NTRK1: variants seen among roughly 807,000 people sequenced by gnomAD.
NTRK1 encodes neurotrophic receptor tyrosine kinase 1, also known as high affinity nerve growth factor receptor.
A neutral mutation model predicts 86.8 loss-of-function variants in NTRK1; 62 were observed. The observed-to-expected ratio is 0.71, with a 90% CI of 0.58 to 0.88. The LOEUF is 0.88. Among genes scored for constraint, NTRK1 ranks in the 40% least tolerant of loss-of-function variants. The probability of loss-of-function intolerance (pLI) is 0.00; values close to 1 mark genes in which losing one functional copy is unlikely to be tolerated. For synonymous variants in NTRK1, 469 were observed against 456.6 expected (o/e 1.03, Z -0.35); for missense variants, 967 against 1,078.4 (o/e 0.90, Z 1.45).
chr1:156,844,718 G>T, intron 2 of NTRK1: 1 of 1,614,132 alleles, frequency 6.2e-7, no homozygotes. Context: ...TCTCCCAAGC[G>T]GCGGTACTTG....
intron 2 of NTRK1, chr1:156,848,853 C>G: frequency 6.6e-7 from 1 of 1,517,854 alleles, no homozygotes. Flanking sequence ...CCCTCACCTG[C>G]CTGTGGTCCC....
At chr1:156,849,539 C>A in intron 2 of NTRK1, 1 of 1,112,274 alleles carries the variant, frequency 9.0e-7, no homozygotes, top group East Asian at 2.5e-5. Context: ...TGGGTTCCTC[C>A]TGGAAGGGTT....
chr1:156,874,023 C>T (rs2102906862), intron 8 of NTRK1, 64 bp downstream of exon 8: 1 of 1,487,208 alleles, frequency 6.7e-7, no homozygotes, highest in Non-Finnish European at 9.2e-7. Context: ...AGCCAACTTC[C>T]TGCTATAGCC....
chr1:156,876,172 CT>C lies in NTRK1; in HGVS notation c.1595del (p.Leu532ProfsTer15). 1 of 1,614,194 alleles carries C rather than the reference CT, an allele frequency of 6.2e-7. No homozygotes were observed. Among genetic ancestry groups the C allele is most frequent in the Non-Finnish European group, 8.5e-7 (1 of 1,180,040 alleles). ...GKVFLAECHNLLPEQDKMLVA... is the reference protein window; with the variant it reads ...GKVFLAECHNXLPEQDKMLVA... ...GGTCTTCCTTGCTGAGTGCCACAAC[CT>C]CCTGCCTGAGCAGGACAAGATGCTG... On this transcript the variant is annotated frameshift_variant, in exon 13 of 17. Coordinates refer to ENST00000524377, the MANE Select transcript of NTRK1 (RefSeq NM_002529.4). LOFTEE classifies it high-confidence loss of function.
chr1:156,830,774 C>T (rs568420168), intron 1 of NTRK1, among the ~76,000 whole-genome samples: 4 of 152,158 alleles, frequency 2.6e-5, no homozygotes, highest in African/African-American at 7.2e-5. Context: ...AGGCTGGTCT[C>T]GAACTCCTGA....
chr1:156,816,315 G>C (rs761719077), intron 1 of NTRK1, among the ~76,000 whole-genome samples: 1 of 152,204 alleles, frequency 6.6e-6, no homozygotes, highest in East Asian at 1.9e-4. Flanking sequence ...AGGGACACCA[G>C]GTGCCTAGAA....
chr1:156,858,795 G>C, upstream of NTRK1: 1 of 614,458 alleles, frequency 1.6e-6, no homozygotes. Flanking sequence ...AAAAAGAAAT[G>C]AGAGTCACAG....
intron 1 of NTRK1, among the ~76,000 whole-genome samples, chr1:156,817,468 G>T (rs937998907): frequency 2.0e-5 from 3 of 151,558 alleles, no homozygotes; most frequent in Admixed American, 2.0e-4. Context: ...AAATCTATAA[G>T]ACAAGGGGTT....
chr1:156,872,359 C>T lies in NTRK1; in HGVS notation c.850+604C>T, dbSNP rs181989162. ...TCATGTTGACTTTTGTCAGGATAAC[C>T]ATTTCCTTGCTTTTAAAAATAATTT... On this transcript the variant is annotated intron_variant, in intron 7 of 16. Transcript: ENST00000524377. 3.1e-3 allele frequency among the ~76,000 whole-genome samples: 474 copies of T among 152,264 alleles called. 1 individual carries two copies. Among genetic ancestry groups the T allele is most frequent in the Non-Finnish European group, 5.4e-3 (369 of 68,020 alleles).
At chr1:156,837,214 G>A (rs1031373371) in intron 1 of NTRK1, 1 of 151,556 alleles carries the variant, frequency 6.6e-6, no homozygotes, top group African/African-American at 2.5e-5. Context: ...CTGTGTACCA[G>A]GGACTCACCA....
chr1:156,833,981 C>A (rs565878932), intron 1 of NTRK1, among the ~76,000 whole-genome samples: 1 of 152,216 alleles, frequency 6.6e-6, no homozygotes, highest in Non-Finnish European at 1.5e-5. Context: ...CTTCTTCCTG[C>A]AGATATCTCT....
chr1:156,848,016 AG>A (rs1249162216), intron 2 of NTRK1, among the ~76,000 whole-genome samples: 2 of 152,138 alleles, frequency 1.3e-5, no homozygotes, highest in East Asian at 3.9e-4. Context: ...GGAGCTTATT[AG>A]ACATGTGAAT....
rs763111374 is a variant in NTRK1, at chr1:156,840,885, A to C, written c.-63-1196A>C. 7 of 1,612,530 alleles carry C rather than the reference A, an allele frequency of 4.3e-6. No individual in the cohort carries two copies. In the East Asian group the frequency reaches 1.1e-4, roughly 26 times the overall value. On this transcript the variant is annotated intron_variant, in intron 1 of 16. Coordinates refer to the NTRK1 transcript ENST00000392302. ...AATGAGGTGCCCCTCAGTGCCCTGG[A>C]CCCCCATTTTGAGGGCTGCAGTCTC... is the stretch of plus-strand genomic sequence containing the variant.
intron 1 of NTRK1, among the ~76,000 whole-genome samples, chr1:156,828,002 G>A (rs1654368068): frequency 6.6e-6 from 1 of 150,466 alleles, no homozygotes; most frequent in Non-Finnish European, 1.5e-5. Context: ...TTTAGAAATG[G>A]GGGTCTCACT....
chr1:156,847,964 C>T (rs1655068979), intron 2 of NTRK1, among the ~76,000 whole-genome samples: 1 of 152,132 alleles, frequency 6.6e-6, no homozygotes, highest in Non-Finnish European at 1.5e-5. Flanking sequence ...GCCAGGGCTC[C>T]TTAGAGTGCA....
intron 2 of NTRK1, among the ~76,000 whole-genome samples, chr1:156,848,640 G>T (rs1655091846): frequency 1.3e-5 from 2 of 152,190 alleles, no homozygotes; most frequent in Admixed American, 6.5e-5. Flanking sequence ...ATAATGAAGT[G>T]AAGTTTAATG....
At chr1:156,880,225 A>G (rs1376753455) in intron 16 of NTRK1, 68 bp downstream of exon 16, 1 of 1,571,616 alleles carries the variant, frequency 6.4e-7, no homozygotes, top group Non-Finnish European at 8.7e-7. Context: ...TTCCTTTTTC[A>G]GGGAACTCGG....
chr1:156,856,092 A>G (rs1349753828), upstream of NTRK1, among the ~76,000 whole-genome samples: 4 of 152,262 alleles, frequency 2.6e-5, no homozygotes, highest in African/African-American at 9.6e-5. Flanking sequence ...TACAGGTATC[A>G]GCTATCATGC....
At chr1:156,844,339 C>T in intron 2 of NTRK1, 1 of 1,556,206 alleles carries the variant, frequency 6.4e-7, no homozygotes, top group Non-Finnish European at 8.8e-7. Flanking sequence ...GAGGGAAGGT[C>T]ATGCTTCTCT....
Sources: allele counts gnomAD v4.1 joint callset (sites outside exome capture counted in the v4.1 genomes callset), GRCh38; gene constraint gnomAD v4.1.1; transcripts MANE v1.5; gene names NCBI Gene and HGNC (gene_info 2026-07-23, HGNC 2026-07-21).